Variants in ADAMTS20 observed in about 807,000 individuals in gnomAD.
ADAMTS20 encodes ADAM metallopeptidase with thrombospondin type 1 motif 20, also known as A disintegrin and metalloproteinase with thrombospondin motifs 20.
Under a neutral mutation model 260.1 loss-of-function variants are expected in ADAMTS20, and 225 were observed. The observed-to-expected ratio is 0.87, with a 90% CI of 0.78 to 0.97. The LOEUF (loss-of-function observed/expected upper bound fraction) is 0.97. Among genes scored for constraint, ADAMTS20 ranks in the 50% least tolerant of loss-of-function variants. ADAMTS20 has a pLI of 0.00. For synonymous variants in ADAMTS20, 802 were observed against 769.5 expected (o/e 1.04, Z -0.70); for missense variants, 2,400 against 2,337.7 (o/e 1.03, Z -0.55).
chr12:43,475,462 C>A (rs199869641), intron 7 of ADAMTS20, among the ~76,000 whole-genome samples: 16,471 of 140,134 alleles, frequency 0.12, 988 homozygotes, highest in Admixed American at 0.21. Context: ...GCTACCAATG[C>A]CTTTCTTCAC....
intron 37 of ADAMTS20, among the ~76,000 whole-genome samples, chr12:43,367,225 T>G (rs1592028428): frequency 6.6e-6 from 1 of 151,736 alleles, no homozygotes; most frequent in Admixed American, 6.6e-5. Flanking sequence ...GATACCAAAA[T>G]GAGACAGATA....
chr12:43,506,136 A>AC (rs1372326869), intron 3 of ADAMTS20, among the ~76,000 whole-genome samples: 2 of 123,210 alleles, frequency 1.6e-5, no homozygotes, highest in Non-Finnish European at 3.5e-5. Context: ...CAAACAAACA[A>AC]AAACAACAAC....
chr12:43,354,081 T>G lies in ADAMTS20; in HGVS notation c.*128A>C. Reference sequence around the variant, plus strand: ...TGATTTGAATCCCTGATGAGCACCCTGAAAAAAAGGCAGAGACATATTGGA... The same window carrying G: ...TGATTTGAATCCCTGATGAGCACCCGGAAAAAAAGGCAGAGACATATTGGA... On this transcript the variant is annotated 3_prime_UTR_variant, in exon 39 of 39. Coordinates refer to ENST00000389420, the MANE Select transcript of ADAMTS20 (RefSeq NM_025003.5). The G allele has an allele frequency of 4.8e-6, 3 of 621,908 alleles. No individual in the cohort carries two copies. 38.5% of individuals were successfully genotyped at this position (621,908 alleles called of 1,614,324 possible). A position where few individuals can be genotyped will look rare whatever the true frequency, so the allele number is the denominator to read the frequency against.
intron 10 of ADAMTS20, among the ~76,000 whole-genome samples, chr12:43,463,232 T>C (rs1049735654): frequency 2.6e-5 from 4 of 152,210 alleles, no homozygotes; most frequent in African/African-American, 9.6e-5. Flanking sequence ...ATACATTGAA[T>C]AGGAGTTATG....
rs563815326 is a variant in ADAMTS20 at position 43,527,856 on chromosome 12, A to AG, written c.613+4179dup. ...TAGGCAGAACAATCAGGCAAGAGAA[A>AG]GAAATAAAGGGCATCCAAATTGGAA... On this transcript the variant is annotated intron_variant, in intron 3 of 38. Transcript: ENST00000389420. 1.5e-3 allele frequency among the ~76,000 whole-genome samples: 232 copies of AG among 152,288 alleles called. 2 individuals are homozygous for AG. The Middle Eastern group carries it at 0.027, about 18-fold the overall frequency.
chr12:43,460,990 T>A (rs12320597), intron 11 of ADAMTS20, among the ~76,000 whole-genome samples: 3,194 of 25,872 alleles, frequency 0.12, 78 homozygotes, highest in Middle Eastern at 0.23. Context: ...ATATATATAT[T>A]TTTTTTTTTT....
At chr12:43,395,161 G>A (rs1359722081) in intron 29 of ADAMTS20, among the ~76,000 whole-genome samples, 1 of 152,058 alleles carries the variant, frequency 6.6e-6, no homozygotes, top group Admixed American at 6.6e-5. Context: ...AAAAAATTAG[G>A]AAGCAAAGTT....
intron 12 of ADAMTS20, among the ~76,000 whole-genome samples, chr12:43,453,265 C>T (rs1941902874): frequency 6.6e-6 from 1 of 152,108 alleles, no homozygotes; most frequent in African/African-American, 2.4e-5. Flanking sequence ...GAGTAAGTCA[C>T]ATTTCTGCAT....
chr12:43,379,519 C>G (rs911967753), intron 31 of ADAMTS20, among the ~76,000 whole-genome samples: 13 of 152,138 alleles, frequency 8.5e-5, no homozygotes, highest in African/African-American at 3.1e-4. Flanking sequence ...GATTAAGGAA[C>G]AGTTGTCAAC....
intron 36 of ADAMTS20, among the ~76,000 whole-genome samples, chr12:43,373,978 CG>C (rs1940166941): frequency 6.6e-6 from 1 of 150,930 alleles, no homozygotes; most frequent in Non-Finnish European, 1.5e-5. Flanking sequence ...CGCGCCCGGC[CG>C]AAATATCATC....
At chr12:43,419,612 T>C (rs1941192259) in intron 28 of ADAMTS20, among the ~76,000 whole-genome samples, 1 of 152,080 alleles carries the variant, frequency 6.6e-6, no homozygotes, top group African/African-American at 2.4e-5. Context: ...CATGGACACT[T>C]TCACTTTCTT....
At chr12:43,425,404 T>C in intron 28 of ADAMTS20, 110 bp downstream of exon 28, 1 of 981,870 alleles carries the variant, frequency 1.0e-6, no homozygotes, top group Non-Finnish European at 1.4e-6. Flanking sequence ...CTTGCACATG[T>C]ACCCCTGAAT....
chr12:43,356,430 TA>T (rs1939743979), intron 38 of ADAMTS20, 53 bp downstream of exon 38: 2 of 1,171,414 alleles, frequency 1.7e-6, no homozygotes, highest in African/African-American at 3.1e-5. Context: ...CCTTTAATGC[TA>T]GTTCATAGCT....
chr12:43,394,529 T>C (rs867273777), intron 29 of ADAMTS20, among the ~76,000 whole-genome samples: 1 of 152,116 alleles, frequency 6.6e-6, no homozygotes, highest in Middle Eastern at 3.2e-3. Flanking sequence ...AAAATCTATA[T>C]ATATAATATT....
At chr12:43,531,140 A>G (rs1027566312) in intron 3 of ADAMTS20, among the ~76,000 whole-genome samples, 1 of 152,044 alleles carries the variant, frequency 6.6e-6, no homozygotes, top group Non-Finnish European at 1.5e-5. Context: ...GTTGTACAAC[A>G]ATGAAAATAA....
intron 29 of ADAMTS20, among the ~76,000 whole-genome samples, chr12:43,396,207 T>TA (rs958899694): frequency 9.3e-5 from 14 of 150,766 alleles, no homozygotes; most frequent in Admixed American, 2.0e-4. Flanking sequence ...ATCCTTTCGT[T>TA]AAAAAAAAAG....
chr12:43,497,226 G>T (rs1394104383), intron 4 of ADAMTS20, among the ~76,000 whole-genome samples: 1 of 152,066 alleles, frequency 6.6e-6, no homozygotes, highest in Non-Finnish European at 1.5e-5. Flanking sequence ...TTAATGAAAG[G>T]TGAAGAAGAA....
chr12:43,485,658 T>C (rs1174881886), intron 7 of ADAMTS20, among the ~76,000 whole-genome samples: 1 of 152,102 alleles, frequency 6.6e-6, no homozygotes, highest in Non-Finnish European at 1.5e-5. Flanking sequence ...TATGATTGTA[T>C]ACCTAGACCA....
intron 29 of ADAMTS20, among the ~76,000 whole-genome samples, chr12:43,390,334 TCTC>T (rs902610734): frequency 1.3e-5 from 2 of 152,182 alleles, no homozygotes; most frequent in Non-Finnish European, 2.9e-5. Context: ...ATCAAACTAA[TCTC>T]CTTATCAAAT....
Sources: allele counts gnomAD v4.1 joint callset (sites outside exome capture counted in the v4.1 genomes callset), GRCh38; gene constraint gnomAD v4.1.1; transcripts MANE v1.5; gene names NCBI Gene and HGNC (gene_info 2026-07-23, HGNC 2026-07-21).